GPR19: variants seen among roughly 807,000 people sequenced by gnomAD.
GPR19 encodes the protein G protein-coupled receptor 19.
A neutral mutation model predicts 28.5 loss-of-function variants in GPR19; 14 were observed. The ratio of observed to expected loss-of-function variants is 0.49; its 90% CI spans 0.32 to 0.77. The LOEUF (loss-of-function observed/expected upper bound fraction) is 0.77, where lower values mean the gene tolerates loss of function less well. Among genes scored for constraint, GPR19 ranks in the 30% least tolerant of loss-of-function variants. GPR19 has a pLI of 0.03. For missense variants in GPR19, 409 were observed against 504.1 expected (o/e 0.81, Z 1.81); for synonymous variants, 173 against 184.1 (o/e 0.94, Z 0.49).
chr12:12,701,495 A>T, the GPR19 span, among the ~76,000 whole-genome samples: 1 of 152,220 alleles, frequency 6.6e-6, no homozygotes, highest in Admixed American at 6.5e-5. Flanking sequence ...TCCTAATCCT[A>T]TAATTTCAAA....
chr12:12,713,057 C>CTTTTTTT, the GPR19 span, among the ~76,000 whole-genome samples: 8 of 108,086 alleles, frequency 7.4e-5, no homozygotes, highest in African/African-American at 2.1e-4. Context: ...ATCTGATGCG[C>CTTTTTTT]TTTTTTTTTT....
chr12:12,690,883 C>CT (rs758265963), intron 2 of GPR19, among the ~76,000 whole-genome samples: 1 of 151,932 alleles, frequency 6.6e-6, no homozygotes, highest in Non-Finnish European at 1.5e-5. Context: ...GCAATTTTGC[C>CT]TTTTTGTAAT....
At chr12:12,705,164 A>AGTGC in the GPR19 span, among the ~76,000 whole-genome samples, 1 of 136,154 alleles carries the variant, frequency 7.3e-6, no homozygotes, top group Non-Finnish European at 1.5e-5. Context: ...CCCAGGCTGG[A>AGTGC]GTGCAGTGGT....
the GPR19 span, among the ~76,000 whole-genome samples, chr12:12,702,919 T>C: frequency 6.6e-6 from 1 of 152,246 alleles, no homozygotes; most frequent in African/African-American, 2.4e-5. Context: ...TGAACTTGGA[T>C]AGAAGAGCTG....
the GPR19 span, chr12:12,703,251 A>G: frequency 9.5e-6 from 3 of 314,572 alleles, no homozygotes; most frequent in Non-Finnish European, 1.4e-5. Context: ...TTGGACGTGG[A>G]AAGGATCTAT....
At position 12,661,389 on chromosome 12, in the gene GPR19, G is replaced by A. The variant is rs778267730; in HGVS notation, c.1060C>T (p.Arg354Ter). Residue 354 changes from arginine (R) to a stop codon, truncating the protein, a stop_gained, in exon 4 of 4, where the codon CGA becomes TGA. Transcript: ENST00000651487. LOFTEE classifies it high-confidence loss of function. The surrounding 1 kb of genome is among the most constrained non-coding windows in gnomAD (Gnocchi z 4.2). ...GTTGTGATAGTATAGGCATTGCTTC[G>A]GTAACATTTCATAGAGGACATGCAA... Reference protein sequence around the residue: ...TFCMSSMKCYRSNAYTITTSS... With the variant: ...TFCMSSMKCY The A allele has an allele frequency of 1.9e-6, 3 of 1,613,356 alleles. No homozygotes were observed. The highest frequency in any genetic ancestry group is 2.2e-5 in the East Asian group (1 of 44,874).
chr12:12,717,154 T>C, the GPR19 span: 62 of 1,028,122 alleles, frequency 6.0e-5, no homozygotes, highest in African/African-American at 9.0e-4. Flanking sequence ...CCAGAGCAGG[T>C]TTGTTGGCAG....
chr12:12,661,466 G>A lies in GPR19; in HGVS notation c.983C>T (p.Thr328Ile), dbSNP rs778991150. Residue 328 changes from threonine to isoleucine, a missense_variant, in exon 4 of 4, where the codon ACT becomes ATT. Transcript: ENST00000651487. The surrounding 1 kb of genome is among the most constrained non-coding windows in gnomAD (Gnocchi z 4.2). Reference protein sequence around the residue: ...ISFSSSASKPTLYSIYNANFR... With the variant: ...ISFSSSASKPILYSIYNANFR... Reference sequence around the variant, plus strand: ...ATTGGCATTATAAATTGAATACAGAGTAGGTTTAGAGGCTGAAGAACTAAA... The same window carrying A: ...ATTGGCATTATAAATTGAATACAGAATAGGTTTAGAGGCTGAAGAACTAAA... 1.2e-6 allele frequency: 2 copies of A among 1,613,670 alleles called. No homozygotes were observed. Among genetic ancestry groups the A allele is most frequent in the South Asian group, 1.1e-5 (1 of 91,068 alleles).
chr12:12,666,203 G>C (rs906225173), intron 3 of GPR19, among the ~76,000 whole-genome samples: 1 of 152,140 alleles, frequency 6.6e-6, no homozygotes, highest in African/African-American at 2.4e-5. Flanking sequence ...AGAGTATATA[G>C]TTTCTAAATG....
chr12:12,716,659 A>C, the GPR19 span: 1 of 544,974 alleles, frequency 1.8e-6, no homozygotes, highest in Non-Finnish European at 2.3e-6. Context: ...TCATTGAGGG[A>C]GAGCTTGAGT....
At chr12:12,675,762 T>C (rs1945921748) in intron 3 of GPR19, among the ~76,000 whole-genome samples, 1 of 152,068 alleles carries the variant, frequency 6.6e-6, no homozygotes, top group Admixed American at 6.6e-5. Context: ...AGGATCTTAG[T>C]CTTACAACCA....
At chr12:12,716,821 A>T in the GPR19 span, 1 of 985,062 alleles carries the variant, frequency 1.0e-6, no homozygotes, top group Non-Finnish European at 1.2e-6. Context: ...ACCAGCCCCC[A>T]GCAAAGGCAC....
the GPR19 span, among the ~76,000 whole-genome samples, chr12:12,710,354 CAA>C: frequency 2.0e-4 from 26 of 132,902 alleles, no homozygotes; most frequent in Admixed American, 1.5e-3. Context: ...GCTCCATCTC[CAA>C]AAAAAAAAAA....
intron 3 of GPR19, among the ~76,000 whole-genome samples, chr12:12,665,218 C>T (rs1945751651): frequency 6.6e-6 from 1 of 152,178 alleles, no homozygotes; most frequent in African/African-American, 2.4e-5. Flanking sequence ...ACTTGAAAAC[C>T]TGTGAACTTC....
chr12:12,664,648 C>G (rs903160454), intron 3 of GPR19, among the ~76,000 whole-genome samples: 1 of 151,976 alleles, frequency 6.6e-6, no homozygotes, highest in African/African-American at 2.4e-5. Flanking sequence ...GGGCCAGGCG[C>G]GGTGGCTCAT....
At chr12:12,696,339 C>CTTTTTTTTTTT (rs578240364), upstream of GPR19, 1 of 88,660 alleles carries the variant, frequency 1.1e-5, no homozygotes, top group Admixed American at 1.4e-4. Flanking sequence ...CCCACCCGCC[C>CTTTTTTTTTTT]TTTTTTTTTT....
At chr12:12,696,561 A>T (rs1328170833), upstream of GPR19, among the ~76,000 whole-genome samples, 1 of 152,152 alleles carries the variant, frequency 6.6e-6, no homozygotes, top group Admixed American at 6.5e-5. Context: ...TTTTTTAAAA[A>T]AGTAAAAATA....
At chr12:12,715,448 T>C in the GPR19 span, among the ~76,000 whole-genome samples, 6 of 151,964 alleles carry the variant, frequency 3.9e-5, no homozygotes, top group Non-Finnish European at 8.8e-5. Flanking sequence ...CCCTTTACTG[T>C]TCTCTGGGTA....
At chr12:12,703,490 C>G in the GPR19 span, 14 of 909,576 alleles carry the variant, frequency 1.5e-5, no homozygotes, top group African/African-American at 2.5e-4. Context: ...TCTGTGAATT[C>G]TAGACATCTT....
Sources: allele counts gnomAD v4.1 joint callset (sites outside exome capture counted in the v4.1 genomes callset), GRCh38; gene constraint gnomAD v4.1.1; non-coding constraint Gnocchi (gnomAD v3.1); transcripts MANE v1.5; gene names NCBI Gene and HGNC (gene_info 2026-07-23, HGNC 2026-07-21).